Variants in PCDH15 observed in about 807,000 individuals in gnomAD.
PCDH15 encodes protocadherin related 15, also known as protocadherin-15.
In PCDH15, 129 loss-of-function variants were observed where a neutral mutation model predicts 178.5. That is an observed-to-expected ratio of 0.72 (90% CI 0.63 to 0.84). The LOEUF is 0.84. PCDH15 is among the 40% of genes least tolerant of loss of function. The probability of loss-of-function intolerance (pLI) is 0.00; values close to 1 mark genes in which losing one functional copy is unlikely to be tolerated. For synonymous variants in PCDH15, 800 were observed against 732.0 expected (o/e 1.09, Z -1.50); for missense variants, 2,230 against 2,099.9 (o/e 1.06, Z -1.21).
Position 54,592,973 on chromosome 10 carries a change from G to A in PCDH15, c.92-65096C>T, listed in dbSNP as rs575432613. Among the ~76,000 whole-genome samples, 21 of 152,112 alleles carry A rather than the reference G, an allele frequency of 1.4e-4. 1 individual carries two copies. The highest frequency in any genetic ancestry group is 8.3e-4 in the South Asian group (4 of 4,822). On this transcript the variant is annotated intron_variant, in intron 2 of 37. Coordinates refer to ENST00000644397, the MANE Select transcript of PCDH15 (RefSeq NM_001384140.1). ...TCTTTCATCTACCTATTGACCTGTC[G>A]TCTTTCATCTAGCTGTTTGCCATTT... is the stretch of plus-strand genomic sequence containing the variant.
rs1027839006 is a variant in PCDH15, at chr10:55,426,506, G to A, written c.-156+201119C>T. On this transcript the variant is annotated intron_variant, in intron 2 of 5. Transcript: ENST00000613346. ...CAGCCCTGCAGCAGCATCTGTGGGG[G>A]TGCCCGCAAACCCGGTAGCCCCAGA... Among the ~76,000 whole-genome samples the A allele has an allele frequency of 2.0e-5, 3 of 152,104 alleles. No individual in the cohort carries two copies. In the East Asian group the frequency reaches 5.8e-4, roughly 29 times the overall value.
chr10:54,669,338 A>G (rs2094620787), intron 1 of PCDH15, among the ~76,000 whole-genome samples: 1 of 151,506 alleles, frequency 6.6e-6, no homozygotes, highest in Non-Finnish European at 1.5e-5. Flanking sequence ...TCTTTACTAA[A>G]TATACATATG....
At chr10:55,032,894 A>T (rs983734814) in intron 2 of PCDH15, among the ~76,000 whole-genome samples, 1 of 152,148 alleles carries the variant, frequency 6.6e-6, no homozygotes, top group Non-Finnish European at 1.5e-5. Flanking sequence ...CTTGAAGCCC[A>T]GAACTCCTTC....
At chr10:54,022,775 CT>C (rs2092964089) in intron 19 of PCDH15, 116 bp downstream of exon 19, 2 of 1,006,490 alleles carry the variant, frequency 2.0e-6, no homozygotes. Flanking sequence ...CATTGTTTAT[CT>C]GAAATTAAAA....
At chr10:55,399,244 CA>C (rs1024425456) in intron 2 of PCDH15, among the ~76,000 whole-genome samples, 1 of 151,970 alleles carries the variant, frequency 6.6e-6, no homozygotes, top group African/African-American at 2.4e-5. Context: ...TTTTAACTGT[CA>C]GCAAATACAA....
chr10:55,174,048 T>C (rs1839413902), intron 1 of PCDH15, among the ~76,000 whole-genome samples: 1 of 152,220 alleles, frequency 6.6e-6, no homozygotes, highest in African/African-American at 2.4e-5. Context: ...AGTAGATCTT[T>C]GCTATAAAAG....
intron 28 of PCDH15, among the ~76,000 whole-genome samples, chr10:53,843,177 C>T (rs1167167073): frequency 6.6e-6 from 1 of 152,020 alleles, no homozygotes; most frequent in East Asian, 1.9e-4. Context: ...TTTTGTTAAA[C>T]TTTTAAAGAT....
intron 1 of PCDH15, among the ~76,000 whole-genome samples, chr10:54,767,537 T>C (rs1164425503): frequency 6.6e-6 from 1 of 151,586 alleles, no homozygotes; most frequent in African/African-American, 2.4e-5. Context: ...AAGAGTACAG[T>C]ATGGGAAGGG....
intron 15 of PCDH15, among the ~76,000 whole-genome samples, chr10:54,126,706 AC>A (rs2042020141): frequency 6.6e-6 from 1 of 151,160 alleles, no homozygotes. Flanking sequence ...TATAATGGAC[AC>A]TTTGTTTATT....
intron 18 of PCDH15, among the ~76,000 whole-genome samples, chr10:54,030,497 T>C (rs1237420485): frequency 1.3e-5 from 2 of 151,604 alleles, no homozygotes; most frequent in African/African-American, 4.8e-5. Context: ...AAATGCCTCA[T>C]AATCATTATT....
At chr10:55,056,842 C>A (rs72801626) in intron 2 of PCDH15, among the ~76,000 whole-genome samples, 54,401 of 151,414 alleles carry the variant, frequency 0.36, 11,613 homozygotes, top group Non-Finnish European at 0.49. Context: ...CCGTATTGCA[C>A]AGGCTGGTCT....
At chr10:55,537,232 C>T (rs1841598055) in intron 2 of PCDH15, among the ~76,000 whole-genome samples, 1 of 151,984 alleles carries the variant, frequency 6.6e-6, no homozygotes. Flanking sequence ...ATACGTATCC[C>T]TAATATGTTT....
intron 11 of PCDH15, among the ~76,000 whole-genome samples, chr10:54,186,776 A>G (rs1189913920): frequency 1.9e-4 from 29 of 152,004 alleles, no homozygotes; most frequent in East Asian, 1.9e-4. Flanking sequence ...CATGAACCCA[A>G]TTACTCAGAT....
intron 21 of PCDH15, among the ~76,000 whole-genome samples, chr10:53,992,607 A>G (rs1290420304): frequency 6.6e-6 from 1 of 152,200 alleles, no homozygotes; most frequent in Non-Finnish European, 1.5e-5. Context: ...AAATCTCCTC[A>G]TAAATGCAGT....
chr10:55,541,643 T>C (rs1166520634), intron 2 of PCDH15, among the ~76,000 whole-genome samples: 1 of 151,992 alleles, frequency 6.6e-6, no homozygotes, highest in East Asian at 1.9e-4. Context: ...CAATATTGTT[T>C]ATATTTTCAG....
At chr10:54,177,242 G>T (rs1464481129) in intron 13 of PCDH15, among the ~76,000 whole-genome samples, 1 of 152,112 alleles carries the variant, frequency 6.6e-6, no homozygotes, top group Non-Finnish European at 1.5e-5. Context: ...CATGGAGACT[G>T]TAGAAAGATC....
chr10:54,954,300 T>C (rs540417296), intron 2 of PCDH15, among the ~76,000 whole-genome samples: 19 of 151,388 alleles, frequency 1.3e-4, no homozygotes, highest in South Asian at 4.1e-4. Context: ...GGAAAACACA[T>C]CCTTTCCTTC....
At chr10:54,888,573 G>C (rs1284893490) in intron 3 of PCDH15, among the ~76,000 whole-genome samples, 1 of 151,714 alleles carries the variant, frequency 6.6e-6, no homozygotes, top group Non-Finnish European at 1.5e-5. Flanking sequence ...GGCTTGGCAG[G>C]TTCATATGGT....
At chr10:54,069,782 T>G (rs926030393) in intron 17 of PCDH15, among the ~76,000 whole-genome samples, 1 of 152,180 alleles carries the variant, frequency 6.6e-6, no homozygotes, top group African/African-American at 2.4e-5. Flanking sequence ...AGAATGTTTA[T>G]GTCTTATTAA....
Sources: allele counts gnomAD v4.1 joint callset (sites outside exome capture counted in the v4.1 genomes callset), GRCh38; gene constraint gnomAD v4.1.1; transcripts MANE v1.5; gene names NCBI Gene and HGNC (gene_info 2026-07-23, HGNC 2026-07-21).